RAI14: variants seen among roughly 807,000 people sequenced by gnomAD.
The protein encoded by RAI14 is ankycorbin.
In RAI14, 45 loss-of-function variants were observed where a neutral mutation model predicts 115.4. The observed-to-expected ratio is 0.39, with a 90% CI of 0.31 to 0.50. The LOEUF (loss-of-function observed/expected upper bound fraction) is 0.50. RAI14 is among the 20% of genes least tolerant of loss of function. RAI14 has a pLI of 0.85. For missense variants in RAI14, 939 were observed against 1,131.2 expected, an observed-to-expected ratio of 0.83 and a Z score of 2.44; for synonymous variants, 371 against 415.4, an observed-to-expected ratio of 0.89 and a Z score of 1.30.
At chr5:34,746,925 C>A (rs559195817) in intron 2 of RAI14, among the ~76,000 whole-genome samples, 2 of 152,126 alleles carry the variant, frequency 1.3e-5, no homozygotes, top group East Asian at 1.9e-4. Context: ...GTAAGTCTCA[C>A]GAGATCTAAT....
chr5:34,804,651 T>C (rs1754653151), intron 5 of RAI14, among the ~76,000 whole-genome samples: 1 of 152,270 alleles, frequency 6.6e-6, no homozygotes, highest in South Asian at 2.1e-4. Context: ...CGTTACATGA[T>C]GCAAGCTATT....
chr5:34,751,422 T>C (rs4266378), intron 2 of RAI14, among the ~76,000 whole-genome samples: 102,515 of 151,968 alleles, frequency 0.67, 34,939 homozygotes, highest in African/African-American at 0.78. Context: ...GGATTACAGG[T>C]GTGAGCCACC....
At chr5:34,725,962 C>CAAAAA (rs199657623) in intron 2 of RAI14, among the ~76,000 whole-genome samples, 5 of 113,696 alleles carry the variant, frequency 4.4e-5, no homozygotes, top group South Asian at 3.3e-4. Context: ...AACTGCTTCT[C>CAAAAA]AAAAAAAAAA....
intron 2 of RAI14, 61 bp downstream of exon 2, chr5:34,687,016 C>T (rs1744965142): frequency 1.3e-5 from 21 of 1,578,238 alleles, no homozygotes; most frequent in Non-Finnish European, 1.8e-5. Flanking sequence ...TGCAGAAACG[C>T]TCCTCCCCAC....
intron 1 of RAI14, among the ~76,000 whole-genome samples, chr5:34,677,347 G>A (rs1022830870): frequency 6.6e-6 from 1 of 151,756 alleles, no homozygotes; most frequent in Non-Finnish European, 1.5e-5. Context: ...TATTTTTAGA[G>A]GAGACGAGGT....
At chr5:34,816,402 G>A (rs1040567994) in intron 12 of RAI14, among the ~76,000 whole-genome samples, 1 of 151,930 alleles carries the variant, frequency 6.6e-6, no homozygotes, top group Non-Finnish European at 1.5e-5. Flanking sequence ...ACTGAGAATT[G>A]TATAGTTAAT....
intron 3 of RAI14, among the ~76,000 whole-genome samples, chr5:34,771,011 T>C (rs367976675): frequency 1.6e-4 from 25 of 152,342 alleles, no homozygotes; most frequent in Non-Finnish European, 2.9e-4. Context: ...AAAGTTGTTA[T>C]GTACCATGAA....
intron 2 of RAI14, among the ~76,000 whole-genome samples, chr5:34,699,486 A>G (rs528391315): frequency 2.0e-5 from 3 of 152,272 alleles, no homozygotes; most frequent in East Asian, 1.9e-4. Context: ...TCATCTTTGT[A>G]TAGCGTTTTC....
In RAI14 at chr5:34,743,034, G is replaced by A. The variant is rs558731382; in HGVS notation, c.37-14434G>A. ...CAAACAGGAAACAAATCAACGTAGCGTGTGGTTCCTGCAGAAGGCTGCTGT... is the reference window on the plus strand; with the variant it reads ...CAAACAGGAAACAAATCAACGTAGCATGTGGTTCCTGCAGAAGGCTGCTGT... On this transcript the variant is annotated intron_variant, in intron 2 of 17. Coordinates refer to ENST00000265109, the MANE Select transcript of RAI14 (RefSeq NM_015577.3). Among the ~76,000 whole-genome samples, 10 of 152,304 alleles carry A rather than the reference G, an allele frequency of 6.6e-5. No homozygotes were observed. In the East Asian group the frequency reaches 9.6e-4, roughly 15 times the overall value.
intron 2 of RAI14, among the ~76,000 whole-genome samples, chr5:34,709,504 T>C (rs1741137121): frequency 6.6e-6 from 1 of 152,200 alleles, no homozygotes; most frequent in Non-Finnish European, 1.5e-5. Flanking sequence ...TGTAGCTACT[T>C]TGTGTCAATT....
At chr5:34,781,396 A>T (rs187175271) in intron 3 of RAI14, among the ~76,000 whole-genome samples, 1 of 152,220 alleles carries the variant, frequency 6.6e-6, no homozygotes, top group African/African-American at 2.4e-5. Flanking sequence ...GTAAAAGCTT[A>T]TGTAGAGACA....
At chr5:34,668,810 A>G (rs757762455) in intron 1 of RAI14, among the ~76,000 whole-genome samples, 15 of 152,182 alleles carry the variant, frequency 9.9e-5, no homozygotes, top group Non-Finnish European at 2.1e-4. Flanking sequence ...CGCTAACTTC[A>G]TGATGTATAC....
chr5:34,790,775 T>C (rs1752834396), intron 3 of RAI14, among the ~76,000 whole-genome samples: 1 of 149,038 alleles, frequency 6.7e-6, no homozygotes, highest in African/African-American at 2.4e-5. Flanking sequence ...TACATATATA[T>C]ATATATATAG....
intron 4 of RAI14, among the ~76,000 whole-genome samples, chr5:34,803,233 C>T (rs759688919): frequency 2.3e-4 from 35 of 152,118 alleles, no homozygotes; most frequent in Admixed American, 2.0e-3. Context: ...GGGGGATGCT[C>T]GATTCTTCCC....
chr5:34,802,858 T>C (rs978806845), intron 4 of RAI14, among the ~76,000 whole-genome samples: 3 of 152,150 alleles, frequency 2.0e-5, no homozygotes, highest in Admixed American at 2.0e-4. Flanking sequence ...ATTTTACAAC[T>C]CTCTCCCTTC....
At chr5:34,735,518 T>G (rs1355376691) in intron 2 of RAI14, among the ~76,000 whole-genome samples, 1 of 152,248 alleles carries the variant, frequency 6.6e-6, no homozygotes, top group African/African-American at 2.4e-5. Context: ...AACAACTGAA[T>G]GCACTAAATA....
intron 5 of RAI14, 49 bp from the exon 6 acceptor site, chr5:34,807,751 T>C (rs951560600): frequency 2.9e-6 from 4 of 1,378,254 alleles, no homozygotes; most frequent in Non-Finnish European, 4.1e-6. Context: ...CTGAATAGAA[T>C]TGGGGCAGGG....
At chr5:34,757,656 G>T (rs1290323065) in intron 3 of RAI14, 58 bp downstream of exon 3, 1 of 1,540,736 alleles carries the variant, frequency 6.5e-7, no homozygotes, top group Non-Finnish European at 8.8e-7. Flanking sequence ...GGTGTTCTCT[G>T]GAATCCTTAG....
At chr5:34,678,089 ATTTTG>A (rs1419341249) in intron 1 of RAI14, among the ~76,000 whole-genome samples, 3 of 138,568 alleles carry the variant, frequency 2.2e-5, no homozygotes, top group African/African-American at 7.4e-5. Flanking sequence ...GGGATAAAAA[ATTTTG>A]TTTTGTTTTG....
Sources: gnomAD v4.1 joint callset for allele counts (sites outside exome capture counted in the v4.1 genomes callset) on GRCh38, gnomAD v4.1.1 for gene constraint, MANE v1.5 for transcripts, NCBI Gene and HGNC (gene_info 2026-07-23, HGNC 2026-07-21) for gene names.